The following IFI27L1 variants were observed in gnomAD, a reference collection of about 807,000 sequenced individuals.
IFI27L1 encodes the protein interferon alpha-inducible protein 27-like protein 1.
In IFI27L1, 3 loss-of-function variants were observed where a neutral mutation model predicts 9.2. The ratio of observed to expected loss-of-function variants is 0.32; its 90% CI spans 0.15 to 0.84. The LOEUF (loss-of-function observed/expected upper bound fraction) is 0.84, where lower values mean the gene tolerates loss of function less well. IFI27L1 is among the 40% of genes least tolerant of loss of function. The pLI is 0.56. For synonymous variants in IFI27L1, 53 were observed against 50.0 expected, an observed-to-expected ratio of 1.06 and a Z score of -0.26; for missense variants, 133 against 134.2, an observed-to-expected ratio of 0.99 and a Z score of 0.05.
intron 2 of IFI27L1, among the ~76,000 whole-genome samples, chr14:94,098,544 C>T (rs1886761614): frequency 6.6e-6 from 1 of 152,198 alleles, no homozygotes; most frequent in African/African-American, 2.4e-5. Context: ...AGGACTCGAA[C>T]ATATCTTTTC....
chr14:94,092,662 C>T (rs976285053), intron 1 of IFI27L1, among the ~76,000 whole-genome samples: 2 of 152,150 alleles, frequency 1.3e-5, no homozygotes, highest in African/African-American at 4.8e-5. Flanking sequence ...CTCTGTTGTG[C>T]TTTTATTCCA....
chr14:94,088,258 A>G (rs1022454087), intron 1 of IFI27L1: 3 of 702,244 alleles, frequency 4.3e-6, no homozygotes, highest in African/African-American at 3.5e-5. Flanking sequence ...TAGCAGAAGC[A>G]GAGTCCCAGG....
Position 94,102,517 on chromosome 14 carries a change from C to A in IFI27L1, c.264C>A (p.Gly88=). ...GLSVTSKVIG[G]FAGTALGAWL... is the part of the protein sequence containing the mutation. Reference sequence around the variant, plus strand: ...CTGTGACATCTAAAGTTATCGGGGGCTTTGCTGGGACAGCTCTTGGGGCCT... The same window carrying A: ...CTGTGACATCTAAAGTTATCGGGGGATTTGCTGGGACAGCTCTTGGGGCCT... Residue 88 remains glycine (G), a synonymous_variant, in exon 5 of 5, where the codon GGC becomes GGA. Coordinates refer to ENST00000555523, the MANE Select transcript of IFI27L1 (RefSeq NM_206949.3). 6.3e-7 allele frequency: 1 copy of A among 1,593,716 alleles called. No homozygotes were observed. The highest frequency in any genetic ancestry group is 8.6e-7 in the Non-Finnish European group (1 of 1,169,272).
intron 1 of IFI27L1, among the ~76,000 whole-genome samples, chr14:94,095,226 A>T (rs937081712): frequency 6.6e-6 from 1 of 152,070 alleles, no homozygotes; most frequent in East Asian, 1.9e-4. Context: ...TTTAGAGATG[A>T]GGGTCTTGGT....
chr14:94,083,924 TA>T (rs1008433296), intron 1 of IFI27L1, among the ~76,000 whole-genome samples: 3 of 151,950 alleles, frequency 2.0e-5, no homozygotes, highest in African/African-American at 7.3e-5. Flanking sequence ...ACATCATCTT[TA>T]AAAAAAGAAA....
intron 1 of IFI27L1, among the ~76,000 whole-genome samples, chr14:94,084,345 T>G (rs945411586): frequency 6.6e-6 from 1 of 152,078 alleles, no homozygotes; most frequent in African/African-American, 2.4e-5. Flanking sequence ...CTACAAAAAA[T>G]GCAAAAATTA....
chr14:94,094,456 T>C, intron 1 of IFI27L1, among the ~76,000 whole-genome samples: 1 of 152,140 alleles, frequency 6.6e-6, no homozygotes, highest in Non-Finnish European at 1.5e-5. Context: ...TTCTCCACCC[T>C]GCCGTTTCCT....
rs753862346 is a variant in IFI27L1 at position 94,102,539 on chromosome 14, G to T, written c.286G>T (p.Ala96Ser). 6.3e-7 allele frequency: 1 copy of T among 1,583,542 alleles called. No homozygotes were observed. The highest frequency in any genetic ancestry group is 8.6e-7 in the Non-Finnish European group (1 of 1,164,360). ...GGGCTTTGCTGGGACAGCTCTTGGG[G>T]CCTGGCTGGGTTCACCCCCTTCCAG... ...IGGFAGTALG[A>S]WLGSPPSS The change falls in exon 5 of 5, where the codon GCC becomes TCC. Residue 96 changes from alanine to serine, a missense_variant. Physicochemically the swap from Ala to Ser is moderately conservative, Grantham distance 99. Coordinates refer to ENST00000555523, the MANE Select transcript of IFI27L1 (RefSeq NM_206949.3).
intron 2 of IFI27L1, among the ~76,000 whole-genome samples, chr14:94,098,992 C>T (rs1469091705): frequency 6.6e-6 from 1 of 152,182 alleles, no homozygotes; most frequent in African/African-American, 2.4e-5. Context: ...ACAGAACTAC[C>T]ACAAGGAGCT....
chr14:94,101,450 A>G (rs1448444311), intron 3 of IFI27L1: 6 of 291,798 alleles, frequency 2.1e-5, no homozygotes, highest in Admixed American at 1.9e-4. Context: ...CAGCTCTGAT[A>G]TTGTCTTCTG....
At chr14:94,087,266 G>T (rs549991014) in intron 1 of IFI27L1, among the ~76,000 whole-genome samples, 1 of 152,222 alleles carries the variant, frequency 6.6e-6, no homozygotes, top group Non-Finnish European at 1.5e-5. Flanking sequence ...GCTCACGGAA[G>T]TATTTTTTGT....
At chr14:94,097,409 G>A in intron 2 of IFI27L1, 2 of 579,474 alleles carry the variant, frequency 3.5e-6, no homozygotes, top group African/African-American at 3.8e-5. Context: ...ATGTGTGCCT[G>A]AGAGCCCCTC....
chr14:94,100,968 C>T (rs1886873252), intron 3 of IFI27L1, 197 bp downstream of exon 3: 3 of 641,856 alleles, frequency 4.7e-6, no homozygotes, highest in South Asian at 3.7e-5. Flanking sequence ...GCTTTGGAGG[C>T]AGCCAGAGCT....
intron 2 of IFI27L1, 60 bp downstream of exon 2, chr14:94,097,025 T>G: frequency 7.1e-7 from 1 of 1,410,986 alleles, no homozygotes; most frequent in Non-Finnish European, 9.8e-7. Flanking sequence ...GCACTTTGTG[T>G]CCCACTCTTC....
chr14:94,095,002 C>T (rs1886615546), intron 1 of IFI27L1: 1 of 151,900 alleles, frequency 6.6e-6, no homozygotes, highest in Non-Finnish European at 1.5e-5. Context: ...AGTTAAAGGC[C>T]CCTCTTAATA....
intron 2 of IFI27L1, chr14:94,100,179 G>A (rs564147481): frequency 3.1e-4 from 194 of 626,586 alleles, no homozygotes; most frequent in Non-Finnish European, 3.5e-4. Context: ...GTCAGGAGTC[G>A]TGACAGAGAG....
At chr14:94,083,859 G>A (rs762108553) in intron 1 of IFI27L1, among the ~76,000 whole-genome samples, 18 of 152,338 alleles carry the variant, frequency 1.2e-4, no homozygotes, top group Non-Finnish European at 2.4e-4. Context: ...GGAGGCTGAA[G>A]AGGGAGGATC....
At chr14:94,097,887 A>T (rs1299400406) in intron 2 of IFI27L1, among the ~76,000 whole-genome samples, 1 of 152,150 alleles carries the variant, frequency 6.6e-6, no homozygotes, top group African/African-American at 2.4e-5. Flanking sequence ...TACCCAAGGG[A>T]CATGTTAAGT....
chr14:94,088,332 C>A (rs1280418479), intron 1 of IFI27L1: 1 of 702,082 alleles, frequency 1.4e-6, no homozygotes, highest in Non-Finnish European at 2.6e-6. Flanking sequence ...GGCATAGATG[C>A]CCCAGAGCCA....
Sources: allele counts gnomAD v4.1 joint callset (sites outside exome capture counted in the v4.1 genomes callset), GRCh38; gene constraint gnomAD v4.1.1; transcripts MANE v1.5; gene names NCBI Gene and HGNC (gene_info 2026-07-23, HGNC 2026-07-21).